Variants in ATP8A2 observed in about 807,000 individuals in gnomAD.
ATP8A2 encodes the protein phospholipid-transporting ATPase IB.
A neutral mutation model predicts 165.6 loss-of-function variants in ATP8A2; 100 were observed. The observed-to-expected ratio is 0.60, with a 90% CI of 0.51 to 0.71. The LOEUF is 0.71. Ranked by LOEUF, ATP8A2 falls within the 30% of genes least tolerant of loss-of-function variation. The pLI, the probability that ATP8A2 is intolerant of heterozygous loss-of-function variation, is 0.00. For synonymous variants in ATP8A2, 543 were observed against 548.8 expected, an observed-to-expected ratio of 0.99 and a Z score of 0.15; for missense variants, 1,227 against 1,479.5, an observed-to-expected ratio of 0.83 and a Z score of 2.80.
intron 35 of ATP8A2, among the ~76,000 whole-genome samples, chr13:25,990,261 T>TAAAAA (rs3056351): frequency 6.5e-5 from 7 of 108,332 alleles, no homozygotes; most frequent in East Asian, 2.6e-4. Flanking sequence ...CATGTAACTG[T>TAAAAA]AAAAAAAAAA....
At chr13:25,790,499 A>G (rs139254797) in intron 27 of ATP8A2, among the ~76,000 whole-genome samples, 19 of 150,510 alleles carry the variant, frequency 1.3e-4, no homozygotes, top group African/African-American at 3.4e-4. Flanking sequence ...CAGCCTGGGA[A>G]ACATGGCAAA....
intron 24 of ATP8A2, among the ~76,000 whole-genome samples, chr13:25,624,308 A>G (rs1464422929): frequency 6.6e-6 from 1 of 152,170 alleles, no homozygotes; most frequent in East Asian, 1.9e-4. Flanking sequence ...GGATTCCTTC[A>G]TCACCTAAGG....
intron 33 of ATP8A2, among the ~76,000 whole-genome samples, chr13:25,875,289 C>G (rs1446006412): frequency 1.7e-4 from 26 of 149,378 alleles, no homozygotes; most frequent in Admixed American, 6.6e-5. Context: ...TTTACTGATT[C>G]ATATCAGCTT....
At chr13:25,974,688 C>T (rs1011815266) in intron 35 of ATP8A2, among the ~76,000 whole-genome samples, 1 of 152,146 alleles carries the variant, frequency 6.6e-6, no homozygotes, top group African/African-American at 2.4e-5. Context: ...CTCCCCAGAA[C>T]CAGCCCTTCC....
At position 25,372,189 on chromosome 13, in the gene ATP8A2, C is replaced by T; in HGVS notation, c.-24C>T. 1 of 1,417,956 alleles carries T rather than the reference C, an allele frequency of 7.1e-7. No homozygotes were observed. Among genetic ancestry groups the T allele is most frequent in the Non-Finnish European group, 9.3e-7 (1 of 1,073,852 alleles). 87.8% of individuals were successfully genotyped at this position (1,417,956 alleles called of 1,614,324 possible). The stretch of plus-strand genomic sequence containing the variant: ...GTAGCCTCCGTCTCTCGCCCGGGGC[C>T]GCCGAGCCCCCGACACGGGCGAGAT... On this transcript the variant is annotated 5_prime_UTR_variant, in exon 1 of 37. Transcript: ENST00000381655. The surrounding 1 kb of genome is among the most constrained non-coding windows in gnomAD (Gnocchi z 4.8).
intron 1 of ATP8A2, among the ~76,000 whole-genome samples, chr13:25,425,583 C>CTTTTT (rs1197808475): frequency 8.9e-6 from 1 of 112,240 alleles, no homozygotes; most frequent in Admixed American, 9.7e-5. Context: ...TCTTTCTTTC[C>CTTTTT]TTTTTTTTTG....
intron 33 of ATP8A2, chr13:25,927,151 T>C: frequency 4.4e-6 from 2 of 456,792 alleles, no homozygotes; most frequent in South Asian, 3.1e-5. Context: ...ACACAAACAC[T>C]AGCTGGATAT....
intron 25 of ATP8A2, among the ~76,000 whole-genome samples, chr13:25,760,529 A>G (rs1284984131): frequency 6.6e-6 from 1 of 152,208 alleles, no homozygotes; most frequent in Non-Finnish European, 1.5e-5. Context: ...ACACTTTAAG[A>G]CACTAGCAAG....
chr13:25,823,966 C>T (rs1951244292), intron 27 of ATP8A2, among the ~76,000 whole-genome samples: 1 of 152,024 alleles, frequency 6.6e-6, no homozygotes, highest in African/African-American at 2.4e-5. Context: ...CGTGTGGTTT[C>T]AGCAGTGTCA....
chr13:25,850,808 G>C (rs1951988604), intron 30 of ATP8A2, among the ~76,000 whole-genome samples: 1 of 152,216 alleles, frequency 6.6e-6, no homozygotes, highest in Non-Finnish European at 1.5e-5. Context: ...TTAACAGCAA[G>C]CTGTAGCTTG....
At chr13:25,753,167 C>G (rs1290581776) in intron 25 of ATP8A2, among the ~76,000 whole-genome samples, 1 of 152,152 alleles carries the variant, frequency 6.6e-6, no homozygotes, top group African/African-American at 2.4e-5. Flanking sequence ...AAAGGGTAGC[C>G]TGGTGGCCAA....
At chr13:25,898,468 G>A (rs748617416) in intron 33 of ATP8A2, among the ~76,000 whole-genome samples, 2 of 152,214 alleles carry the variant, frequency 1.3e-5, no homozygotes, top group Non-Finnish European at 2.9e-5. Context: ...GGCTACTCGG[G>A]GGTCAGGGAC....
intron 6 of ATP8A2, among the ~76,000 whole-genome samples, chr13:25,536,134 C>T (rs1056349557): frequency 1.1e-4 from 16 of 152,012 alleles, no homozygotes; most frequent in Admixed American, 8.5e-4. Flanking sequence ...TCTTTTTAGA[C>T]GGAGTCTCGC....
chr13:25,896,801 C>T (rs944859457), intron 33 of ATP8A2, among the ~76,000 whole-genome samples: 6 of 152,082 alleles, frequency 3.9e-5, no homozygotes, highest in African/African-American at 1.2e-4. Flanking sequence ...CCTTCTTTGT[C>T]TCTTTTGATC....
chr13:25,968,796 GCTTA>G (rs1955846803), intron 35 of ATP8A2, 117 bp downstream of exon 35: 1 of 775,086 alleles, frequency 1.3e-6, no homozygotes, highest in African/African-American at 1.8e-5. Flanking sequence ...GTATGCTCAG[GCTTA>G]AGAATTTTGG....
At chr13:25,973,331 G>A (rs926688545) in intron 35 of ATP8A2, among the ~76,000 whole-genome samples, 10 of 152,106 alleles carry the variant, frequency 6.6e-5, no homozygotes, top group Non-Finnish European at 1.0e-4. Flanking sequence ...GCCCATCACC[G>A]CCAGGGAATT....
chr13:25,969,633 G>A (rs1265250445), intron 35 of ATP8A2, among the ~76,000 whole-genome samples: 2 of 152,190 alleles, frequency 1.3e-5, no homozygotes, highest in Non-Finnish European at 2.9e-5. Context: ...CAAACATTTT[G>A]AGAGGCTTTC....
At chr13:25,592,288 A>T (rs142054948) in intron 24 of ATP8A2, among the ~76,000 whole-genome samples, 4 of 150,422 alleles carry the variant, frequency 2.7e-5, no homozygotes, top group Non-Finnish European at 4.4e-5. Flanking sequence ...ATGGTTAAAA[A>T]CCTGTTTAAA....
rs768582040 is a variant in ATP8A2, at chr13:25,769,113, G to A, written c.2452G>A (p.Ala818Thr). 2.5e-6 allele frequency: 4 copies of A among 1,614,016 alleles called. No homozygotes were observed. Among genetic ancestry groups the A allele is most frequent in the Non-Finnish European group, 3.4e-6 (4 of 1,180,026 alleles). Residue 818 changes from alanine (A) to threonine (T), a missense_variant, in exon 26 of 37, where the codon GCC becomes ACC. Coordinates refer to ENST00000381655, the MANE Select transcript of ATP8A2 (RefSeq NM_016529.6). ...VKKRVKAITL[A>T]IGDGANDVGM... Reference sequence around the variant, plus strand: ...GAAGCGGGTGAAGGCCATCACCCTCGCCATCGGAGACGGCGCCAACGATGT... The same window carrying A: ...GAAGCGGGTGAAGGCCATCACCCTCACCATCGGAGACGGCGCCAACGATGT...
Sources: gnomAD v4.1 joint callset for allele counts (sites outside exome capture counted in the v4.1 genomes callset) on GRCh38, gnomAD v4.1.1 for gene constraint, Gnocchi (gnomAD v3.1) non-coding constraint, MANE v1.5 for transcripts, NCBI Gene and HGNC (gene_info 2026-07-23, HGNC 2026-07-21) for gene names.